The following DMKN variants were observed in gnomAD, a reference collection of about 807,000 sequenced individuals.
DMKN encodes the protein dermokine.
Under a neutral mutation model 67.6 loss-of-function variants are expected in DMKN, and 58 were observed. The observed-to-expected ratio is 0.86, with a 90% confidence interval of 0.69 to 1.07. The LOEUF (loss-of-function observed/expected upper bound fraction) is 1.07. DMKN is among the 50% of genes least tolerant of loss of function. DMKN has a pLI of 0.00. For missense variants in DMKN, 596 were observed against 601.5 expected (o/e 0.99, Z 0.10); for synonymous variants, 240 against 232.3 (o/e 1.03, Z -0.30).
rs2071096940 is a variant in DMKN, at chr19:35,513,223, G to A, written c.253C>T (p.Gln85Ter). ...TCTGCTACGCCAAAGCCTGGAACCT[G>A]CCTGACTCCAGTGCCAACTGCTTCT... ...TREAVGTGVR[Q>*]VPGFGVADAL... The change falls in exon 1 of 16, where the codon CAG becomes TAG. Residue 85 changes from glutamine to a stop codon, truncating the protein, a stop_gained. Coordinates refer to ENST00000339686, the MANE Select transcript of DMKN (RefSeq NM_033317.5). LOFTEE classifies it high-confidence loss of function. 6.2e-7 allele frequency: 1 copy of A among 1,614,246 alleles called. No individual in the cohort carries two copies.
rs1315409670 is a variant in DMKN, at chr19:35,502,827, T to C, written c.1191+3A>G. ...GTTCTTCAAACAGCAAGAATTCTCC[T>C]ACCTCCCAGAGTCGGCTGAAGTAGA... On this transcript the variant is annotated splice_donor_region_variant and intron_variant, in intron 10 of 15. Transcript: ENST00000339686. 6.2e-7 allele frequency: 1 copy of C among 1,613,902 alleles called. No individual in the cohort carries two copies. Among genetic ancestry groups the C allele is most frequent in the African/African-American group, 1.3e-5 (1 of 74,862 alleles).
chr19:35,501,933 C>T (rs945360350), intron 11 of DMKN: 67 of 1,559,466 alleles, frequency 4.3e-5, no homozygotes, highest in Admixed American at 1.3e-4. Context: ...CCCTCGGCCT[C>T]GGCTTTTATG....
chr19:35,507,333 G>T, intron 7 of DMKN: 1 of 901,536 alleles, frequency 1.1e-6, no homozygotes, highest in Non-Finnish European at 1.7e-6. Flanking sequence ...TCTCTTGATG[G>T]TCACTGGACG....
In DMKN at chr19:35,505,717, C is replaced by T; in HGVS notation, c.1134+1G>A. The T allele has an allele frequency of 1.2e-6, 2 of 1,614,230 alleles. No homozygotes were observed. The highest frequency in any genetic ancestry group is 1.1e-5 in the South Asian group (1 of 91,090). ...CTCCGACGAAGATGTCCAGCCCTTA[C>T]CTTGTTTATGGCATCCCAGTTGATG... On this transcript the variant is annotated splice_donor_variant, in intron 9 of 15. Transcript: ENST00000339686. LOFTEE classifies it high-confidence loss of function.
Position 35,508,125 on chromosome 19 carries a change from C to T in DMKN, c.1038+1786G>A, listed in dbSNP as rs75882061. 6.1e-3 allele frequency: 9,263 copies of T among 1,528,700 alleles called. 564 individuals are homozygous for T. The East Asian group carries it at 0.16, about 27-fold the overall frequency. 94.7% of individuals were successfully genotyped at this position (1,528,700 alleles called of 1,614,324 possible). On this transcript the variant is annotated intron_variant, in intron 7 of 15. Coordinates refer to ENST00000339686, the MANE Select transcript of DMKN (RefSeq NM_033317.5). ...CAGGGATGTGGGACCACCTGTCTGCCAGTATTGCTCCTGGAGAACAGACCT... is the reference window on the plus strand; with the variant it reads ...CAGGGATGTGGGACCACCTGTCTGCTAGTATTGCTCCTGGAGAACAGACCT...
rs748323708 is a variant in DMKN at position 35,513,478 on chromosome 19, C to G, written c.-3G>C. 1 of 1,592,066 alleles carries G rather than the reference C, an allele frequency of 6.3e-7. No individual in the cohort carries two copies. The highest frequency in any genetic ancestry group is 1.1e-5 in the South Asian group (1 of 90,308). ...GCCAGGGGCCCCTGGAACTTCATCTCTGCCCAGCCCCCTCTCTCTCCAGAG... is the reference window on the plus strand; with the variant it reads ...GCCAGGGGCCCCTGGAACTTCATCTGTGCCCAGCCCCCTCTCTCTCCAGAG... On this transcript the variant is annotated 5_prime_UTR_variant, in exon 1 of 16. Transcript: ENST00000339686.
At chr19:35,510,075 C>G in intron 6 of DMKN, 109 bp downstream of exon 6, 1 of 1,564,138 alleles carries the variant, frequency 6.4e-7, no homozygotes, top group Non-Finnish European at 8.7e-7. Flanking sequence ...ACCTCCGCGG[C>G]CATCCAGCCC....
intron 15 of DMKN, 56 bp downstream of exon 15, chr19:35,498,660 G>A (rs2067848114): frequency 1.2e-6 from 2 of 1,610,714 alleles, no homozygotes; most frequent in South Asian, 1.1e-5. Context: ...CCTGCCCCGG[G>A]TGACTGTGCC....
chr19:35,500,593 A>AG lies in DMKN; in HGVS notation c.1240-14dup, dbSNP rs2068193089. Reference sequence around the variant, plus strand: ...ACGCGTCCGCACCCTGAAAGGAAGAAGGGGCCACAGTTCGTGCCTCCGCAG... The same window carrying AG: ...ACGCGTCCGCACCCTGAAAGGAAGAAGGGGGCCACAGTTCGTGCCTCCGCAG... On this transcript the variant is annotated splice_polypyrimidine_tract_variant and intron_variant, in intron 11 of 15. Coordinates refer to ENST00000339686, the MANE Select transcript of DMKN (RefSeq NM_033317.5). The AG allele has an allele frequency of 6.2e-7, 1 of 1,602,202 alleles. No homozygotes were observed. Among genetic ancestry groups the AG allele is most frequent in the Non-Finnish European group, 8.5e-7 (1 of 1,171,196 alleles).
At chr19:35,501,081 T>C (rs1433038342) in intron 11 of DMKN, among the ~76,000 whole-genome samples, 1 of 151,984 alleles carries the variant, frequency 6.6e-6, no homozygotes, top group Non-Finnish European at 1.5e-5. Flanking sequence ...AGAAAACAGA[T>C]AAAGCAACTT....
rs543713288 is a variant in DMKN at position 35,503,512 on chromosome 19, G to A, written c.1135-626C>T. 2.6e-6 allele frequency: 4 copies of A among 1,525,468 alleles called. No individual in the cohort carries two copies. In the South Asian group the frequency reaches 4.9e-5, roughly 19 times the overall value. The allele number at this position is 1,525,468 out of a possible 1,614,324, so 94.5% of individuals were successfully genotyped here. A position where few individuals can be genotyped will look rare whatever the true frequency, so the allele number is the denominator to read the frequency against. ...TTTTTTTGAGATGGAGTCTCGCTCTGTCGCCCAGGCTGGAGTGCAGTGGCA... is the reference window on the plus strand; with the variant it reads ...TTTTTTTGAGATGGAGTCTCGCTCTATCGCCCAGGCTGGAGTGCAGTGGCA... On this transcript the variant is annotated intron_variant, in intron 9 of 15. Coordinates refer to ENST00000339686, the MANE Select transcript of DMKN (RefSeq NM_033317.5).
chr19:35,497,986 C>G (rs1296650337), intron 15 of DMKN: 1 of 152,290 alleles, frequency 6.6e-6, no homozygotes, highest in African/African-American at 2.4e-5. Flanking sequence ...GACAGGGTCT[C>G]CCTCTGTTGC....
chr19:35,502,858 G>C lies in DMKN; in HGVS notation c.1163C>G (p.Ala388Gly), dbSNP rs774435982. 6.2e-7 allele frequency: 1 copy of C among 1,614,066 alleles called. No homozygotes were observed. The highest frequency in any genetic ancestry group is 8.5e-7 in the Non-Finnish European group (1 of 1,179,990). ...KNQVPPPSTRALLYFSRLWED... is the reference protein window; with the variant it reads ...KNQVPPPSTRGLLYFSRLWED... ...CCAGAGTCGGCTGAAGTAGAGGAGG[G>C]CTCGGGTGCTGGGGGGCGGGACCTG... is the stretch of plus-strand genomic sequence containing the variant. The change falls in exon 10 of 16, where the codon GCC becomes GGC. Residue 388 changes from alanine (A) to glycine (G), a missense_variant. By Grantham distance (60) the Ala-to-Gly change is moderately conservative. Coordinates refer to ENST00000339686, the MANE Select transcript of DMKN (RefSeq NM_033317.5).
intron 7 of DMKN, among the ~76,000 whole-genome samples, chr19:35,508,772 G>T (rs886199810): frequency 6.6e-6 from 1 of 152,264 alleles, no homozygotes; most frequent in Non-Finnish European, 1.5e-5. Context: ...AAGTCCAGAT[G>T]CATCCCAGTT....
At chr19:35,503,133 A>G (rs2068714805) in intron 9 of DMKN, among the ~76,000 whole-genome samples, 1 of 152,184 alleles carries the variant, frequency 6.6e-6, no homozygotes, top group Non-Finnish European at 1.5e-5. Context: ...CCCAGCCTCC[A>G]GCAGAACCTA....
intron 5 of DMKN, chr19:35,510,492 T>C: frequency 6.5e-7 from 1 of 1,550,346 alleles, no homozygotes; most frequent in Non-Finnish European, 8.7e-7. Context: ...CCTGAGCTGC[T>C]GCCCACCGCA....
At chr19:35,500,424 GA>G in intron 12 of DMKN, 108 bp downstream of exon 12, 1 of 1,553,004 alleles carries the variant, frequency 6.4e-7, no homozygotes, top group Non-Finnish European at 8.7e-7. Context: ...ACCCGGCTGA[GA>G]AAGCCATTGA....
intron 7 of DMKN, chr19:35,507,922 T>G (rs888298383): frequency 1.7e-5 from 8 of 459,360 alleles, no homozygotes; most frequent in African/African-American, 9.9e-5. Flanking sequence ...TGATTGGCAT[T>G]AGTAAAAAAA....
intron 13 of DMKN, 143 bp from the exon 14 acceptor site, chr19:35,499,040 T>C: frequency 1.7e-6 from 2 of 1,192,078 alleles, no homozygotes; most frequent in East Asian, 2.5e-5. Flanking sequence ...ACTGTGGACA[T>C]TCAGGCTGTG....
Sources: allele counts gnomAD v4.1 joint callset (sites outside exome capture counted in the v4.1 genomes callset), GRCh38; gene constraint gnomAD v4.1.1; transcripts MANE v1.5; gene names NCBI Gene and HGNC (gene_info 2026-07-23, HGNC 2026-07-21).